The following SRGAP2 variants were observed in gnomAD, a reference collection of about 807,000 sequenced individuals.
SRGAP2 encodes SLIT-ROBO Rho GTPase-activating protein 2.
Under a neutral mutation model 57.2 loss-of-function variants are expected in SRGAP2, and 15 were observed. The observed-to-expected ratio is 0.26, with a 90% CI of 0.18 to 0.40. The LOEUF (loss-of-function observed/expected upper bound fraction) is 0.40, where lower values mean the gene tolerates loss of function less well. Among genes scored for constraint, SRGAP2 ranks in the 10% least tolerant of loss-of-function variants. SRGAP2 has a pLI of 1.00. For synonymous variants in SRGAP2, 249 were observed against 248.0 expected (o/e 1.00, Z -0.04); for missense variants, 520 against 669.6 (o/e 0.78, Z 2.47).
intron 19 of SRGAP2, among the ~76,000 whole-genome samples, chr1:206,452,129 C>T (rs782559113): frequency 6.6e-6 from 1 of 152,188 alleles, no homozygotes; most frequent in Non-Finnish European, 1.5e-5. Flanking sequence ...GTTCTAAGCA[C>T]TTTTACAAAT....
At chr1:206,393,902 A>G (rs1389458565) in intron 7 of SRGAP2, among the ~76,000 whole-genome samples, 1 of 140,414 alleles carries the variant, frequency 7.1e-6, no homozygotes, top group Non-Finnish European at 1.6e-5. Context: ...ATATTTTTAC[A>G]GATTAACAGA....
At chr1:206,311,091 G>A (rs1234480471) in intron 3 of SRGAP2, among the ~76,000 whole-genome samples, 1 of 149,002 alleles carries the variant, frequency 6.7e-6, no homozygotes, top group Non-Finnish European at 1.5e-5. Flanking sequence ...TTTTAAAGGT[G>A]CACTCTGGAA....
intron 4 of SRGAP2, among the ~76,000 whole-genome samples, chr1:206,356,891 C>G (rs868927412): frequency 6.9e-6 from 1 of 144,374 alleles, no homozygotes; most frequent in Non-Finnish European, 1.5e-5. Context: ...GTTTTGTTTT[C>G]TTTTTTTTTT....
intron 17 of SRGAP2, among the ~76,000 whole-genome samples, chr1:206,444,887 C>T (rs764776436): frequency 6.6e-6 from 1 of 152,180 alleles, no homozygotes; most frequent in African/African-American, 2.4e-5. Context: ...TCTCCCATCA[C>T]GTCCATAATA....
chr1:206,360,057 C>T (rs1276523239), intron 4 of SRGAP2, among the ~76,000 whole-genome samples: 2 of 151,968 alleles, frequency 1.3e-5, no homozygotes, highest in East Asian at 1.9e-4. Flanking sequence ...CCGCCCGCCT[C>T]GGCCTCCCAA....
At chr1:206,294,952 TCCTC>T (rs1340582744) in intron 2 of SRGAP2, among the ~76,000 whole-genome samples, 1 of 144,086 alleles carries the variant, frequency 6.9e-6, no homozygotes, top group African/African-American at 2.7e-5. Context: ...AAGGACATCT[TCCTC>T]CCTACCCCAC....
intron 2 of SRGAP2, among the ~76,000 whole-genome samples, chr1:206,220,627 A>G (rs1553304462): frequency 6.6e-6 from 1 of 152,214 alleles, no homozygotes; most frequent in Non-Finnish European, 1.5e-5. Context: ...CCAGTGACCC[A>G]ATCTATAAAT....
chr1:206,260,218 T>C (rs1275045051), intron 2 of SRGAP2, among the ~76,000 whole-genome samples: 1 of 116,742 alleles, frequency 8.6e-6, no homozygotes, highest in Non-Finnish European at 1.8e-5. Flanking sequence ...AGTTGAGTAA[T>C]AGTTTTGCTA....
intron 14 of SRGAP2, among the ~76,000 whole-genome samples, chr1:206,435,905 T>G (rs561707915): frequency 1.3e-5 from 2 of 152,298 alleles, no homozygotes; most frequent in Non-Finnish European, 2.9e-5. Flanking sequence ...CTTGTGCACA[T>G]TATCGTAGTA....
At chr1:206,340,080 C>G (rs1317536427) in intron 3 of SRGAP2, among the ~76,000 whole-genome samples, 1 of 151,492 alleles carries the variant, frequency 6.6e-6, no homozygotes, top group Non-Finnish European at 1.5e-5. Flanking sequence ...GTGAGCCACA[C>G]CTTACAAGTT....
In SRGAP2 at chr1:206,290,739, A is replaced by G. The variant is rs1301467856; in HGVS notation, c.68-12542A>G. On this transcript the variant is annotated intron_variant, in intron 2 of 22. Transcript: ENST00000573034. ...CTAATAACTTTATAAATATTAACTC[A>G]TAAAAACTCTGTGAGGTAGATACTG... 4.1e-3 allele frequency among the ~76,000 whole-genome samples: 623 copies of G among 152,058 alleles called. 1 individual carries two copies. Among genetic ancestry groups the G allele is most frequent in the Non-Finnish European group, 6.9e-3 (467 of 67,998 alleles).
In SRGAP2 at chr1:206,462,926, C is replaced by T. The variant is rs1664352706; in HGVS notation, c.*1506C>T. On this transcript the variant is annotated 3_prime_UTR_variant, in exon 23 of 23. Coordinates refer to ENST00000573034, the MANE Select transcript of SRGAP2 (RefSeq NM_015326.5). ...CATCCACAGCCAGGCTCATGGGTCT[C>T]AGACAGCAACTTGAGTTAAAGCTGA... 6.6e-6 allele frequency: 1 copy of T among 152,216 alleles called. No homozygotes were observed. The highest frequency in any genetic ancestry group is 1.5e-5 in the Non-Finnish European group (1 of 68,052). 9.4% of individuals were successfully genotyped at this position (152,216 alleles called of 1,614,324 possible).
At chr1:206,225,692 C>T (rs548643167) in intron 2 of SRGAP2, among the ~76,000 whole-genome samples, 1 of 152,132 alleles carries the variant, frequency 6.6e-6, no homozygotes, top group African/African-American at 2.4e-5. Flanking sequence ...AAATACCTGA[C>T]CTCCTTTTGC....
intron 16 of SRGAP2, 88 bp downstream of exon 16, chr1:206,438,186 C>T (rs112331654): frequency 2.9e-6 from 2 of 679,428 alleles, no homozygotes; most frequent in African/African-American, 1.8e-5. Context: ...TGTGTGTTCT[C>T]ATAAGCTTTT....
chr1:206,220,266 G>A (rs1553304319), intron 2 of SRGAP2, among the ~76,000 whole-genome samples: 1 of 151,116 alleles, frequency 6.6e-6, no homozygotes. Flanking sequence ...GGCCTGTGGA[G>A]ATTGAAGATA....
chr1:206,272,924 A>G (rs1349698940), intron 2 of SRGAP2, among the ~76,000 whole-genome samples: 12 of 152,180 alleles, frequency 7.9e-5, no homozygotes, highest in African/African-American at 2.9e-4. Flanking sequence ...CTGATTTTAA[A>G]AAAACATTTA....
At position 206,458,660 on chromosome 1, in the gene SRGAP2, A is replaced by G. The variant is rs782301652; in HGVS notation, c.2545A>G (p.Thr849Ala). 1.3e-6 allele frequency: 1 copy of G among 770,880 alleles called. No individual in the cohort carries two copies. The highest frequency in any genetic ancestry group is 2.4e-6 in the Non-Finnish European group (1 of 411,684). 47.8% of individuals were successfully genotyped at this position (770,880 alleles called of 1,614,324 possible). Reference protein sequence around the residue: ...KRPESGSIRKTFRSDSHGLSS... With the variant: ...KRPESGSIRKAFRSDSHGLSS... ...TCCAGAATCTGGGAGCATCCGGAAAACTTTTCGGAGTGACAGCCATGGGCT... is the reference window on the plus strand; with the variant it reads ...TCCAGAATCTGGGAGCATCCGGAAAGCTTTTCGGAGTGACAGCCATGGGCT... Residue 849 changes from threonine to alanine, a missense_variant, in exon 22 of 23, where the codon ACT becomes GCT. Physicochemically the swap from Thr to Ala is moderately conservative, Grantham distance 58 (BLOSUM62 0). Transcript: ENST00000573034.
intron 11 of SRGAP2, among the ~76,000 whole-genome samples, chr1:206,416,815 G>A (rs1572097308): frequency 6.6e-6 from 1 of 152,204 alleles, no homozygotes; most frequent in East Asian, 1.9e-4. Context: ...AAGATAGGAG[G>A]GAGTGGAAGG....
intron 20 of SRGAP2, chr1:206,453,742 A>G (rs1663557085): frequency 3.9e-6 from 1 of 257,660 alleles, no homozygotes; most frequent in East Asian, 7.7e-5. Flanking sequence ...AGGCTGGGAA[A>G]ACATTTTTGT....
Sources: allele counts gnomAD v4.1 joint callset (sites outside exome capture counted in the v4.1 genomes callset), GRCh38; gene constraint gnomAD v4.1.1; transcripts MANE v1.5; gene names NCBI Gene and HGNC (gene_info 2026-07-23, HGNC 2026-07-21).